Variants in MYLK observed in about 807,000 individuals in gnomAD.
The protein encoded by MYLK is myosin light chain kinase, also known as myosin light chain kinase, smooth muscle.
In MYLK, 106 loss-of-function variants were observed where a neutral mutation model predicts 203.4. The observed-to-expected ratio is 0.52, with a 90% confidence interval of 0.45 to 0.61. MYLK has a LOEUF of 0.61. Ranked by LOEUF, MYLK falls within the 20% of genes least tolerant of loss-of-function variation. The pLI, the probability that MYLK is intolerant of heterozygous loss-of-function variation, is 0.00. For missense variants in MYLK, 2,072 were observed against 2,442.3 expected (o/e 0.85, Z 3.20); for synonymous variants, 867 against 959.5 (o/e 0.90, Z 1.78).
In MYLK at chr3:123,740,242, A is replaced by G. The variant is rs528861671; in HGVS notation, c.374-241T>C. Among the ~76,000 whole-genome samples, 22 of 31,028 alleles carry G rather than the reference A, an allele frequency of 7.1e-4. 1 individual carries two copies. In the South Asian group the frequency reaches 0.054, roughly 76 times the overall value. The allele number at this position is 31,028 out of a possible 152,430, so 20.4% of individuals were successfully genotyped here. ...TATTTTTTAAACAGATGAGAGAAAT[A>G]AGATTCAGAGAAGTTAAGTCATCCA... On this transcript the variant is annotated intron_variant, in intron 5 of 33. Coordinates refer to ENST00000360304, the MANE Select transcript of MYLK (RefSeq NM_053025.4).
In MYLK at chr3:123,878,650, T is replaced by C. The variant is rs546885281; in HGVS notation, c.-185-2033A>G. Among the ~76,000 whole-genome samples, 3 of 152,304 alleles carry C rather than the reference T, an allele frequency of 2.0e-5. No homozygotes were observed. In the East Asian group the frequency reaches 5.8e-4, roughly 29 times the overall value. ...ATGCCATCACCATCCTCCACCAGGA[T>C]AGGTAGTGATGAGAACTCTGGCTGA... is the stretch of plus-strand genomic sequence containing the variant. On this transcript the variant is annotated intron_variant, in intron 1 of 33. Transcript: ENST00000360304.
chr3:123,643,555 G>C (rs1443354278), intron 27 of MYLK, among the ~76,000 whole-genome samples: 1 of 152,200 alleles, frequency 6.6e-6, no homozygotes, highest in Admixed American at 6.5e-5. Context: ...CAGGATTAAT[G>C]GTTCTGTGGG....
chr3:123,619,727 A>G (rs10511421), intron 32 of MYLK, among the ~76,000 whole-genome samples: 5,875 of 152,296 alleles, frequency 0.039, 707 homozygotes, highest in East Asian at 0.36. Flanking sequence ...GACACGATTC[A>G]GCATCATGAA....
chr3:123,775,772 C>T (rs769575629), intron 4 of MYLK, among the ~76,000 whole-genome samples: 2 of 152,170 alleles, frequency 1.3e-5, no homozygotes, highest in Non-Finnish European at 2.9e-5. Context: ...AGTCTCTTAG[C>T]TTGAAATTTA....
At chr3:123,872,172 A>G (rs1249488313) in intron 2 of MYLK, among the ~76,000 whole-genome samples, 1 of 152,172 alleles carries the variant, frequency 6.6e-6, no homozygotes, top group Non-Finnish European at 1.5e-5. Flanking sequence ...TCATGCTGCA[A>G]TGGCAGAGCT....
chr3:123,880,445 A>C (rs554181817), intron 1 of MYLK, among the ~76,000 whole-genome samples: 1 of 152,342 alleles, frequency 6.6e-6, no homozygotes, highest in African/African-American at 2.4e-5. Context: ...AATTAGCATC[A>C]GATCTGAGCG....
intron 31 of MYLK, chr3:123,622,134 A>C (rs1242956111): frequency 1.3e-5 from 2 of 152,340 alleles, no homozygotes; most frequent in Non-Finnish European, 2.9e-5. Context: ...CTACGTAGTC[A>C]ATGTCAGACC....
intron 1 of MYLK, among the ~76,000 whole-genome samples, chr3:123,880,300 C>CTACTATA (rs1301274146): frequency 2.3e-4 from 35 of 152,176 alleles, no homozygotes; most frequent in African/African-American, 8.2e-4. Context: ...TGAATGAGAC[C>CTACTATA]TACTATACAT....
At chr3:123,867,695 A>T (rs994560543) in intron 2 of MYLK, among the ~76,000 whole-genome samples, 1 of 152,190 alleles carries the variant, frequency 6.6e-6, no homozygotes, top group African/African-American at 2.4e-5. Flanking sequence ...CAGCCTCTGG[A>T]GCTGTGAGAA....
chr3:123,722,239 C>G lies in MYLK; in HGVS notation c.1693G>C (p.Val565Leu). Residue 565 changes from valine to leucine, a missense_variant, in exon 13 of 34, where the codon GTG becomes CTG. By Grantham distance (32) the Val-to-Leu change is conservative. Coordinates refer to ENST00000360304, the MANE Select transcript of MYLK (RefSeq NM_053025.4). ...GCATCCTGGATGTGGAGCTCAGCCA[C>G]GCCGGCCTCGCAGGTGGAGCGAGCG... ...QYARSTCEAG[V>L]AELHIQDALP... 6.4e-7 allele frequency: 1 copy of G among 1,565,586 alleles called. No homozygotes were observed. Among genetic ancestry groups the G allele is most frequent in the Non-Finnish European group, 8.7e-7 (1 of 1,154,526 alleles).
chr3:123,687,502 A>G (rs1258991607), intron 19 of MYLK, among the ~76,000 whole-genome samples: 1 of 152,146 alleles, frequency 6.6e-6, no homozygotes, highest in Non-Finnish European at 1.5e-5. Flanking sequence ...AAGGTCACCA[A>G]TGACCTCAAT....
At chr3:123,740,860 A>G (rs1186772763) in intron 5 of MYLK, among the ~76,000 whole-genome samples, 1 of 152,268 alleles carries the variant, frequency 6.6e-6, no homozygotes, top group East Asian at 1.9e-4. Context: ...CGTGCTAGGC[A>G]GGAGGCCATT....
At chr3:123,637,240 T>C (rs1179602949) in intron 29 of MYLK, among the ~76,000 whole-genome samples, 1 of 152,154 alleles carries the variant, frequency 6.6e-6, no homozygotes, top group African/African-American at 2.4e-5. Context: ...ACCCTGGGGC[T>C]TCAGGGACTA....
intron 12 of MYLK, among the ~76,000 whole-genome samples, chr3:123,724,905 G>A (rs1172258277): frequency 2.6e-5 from 4 of 151,816 alleles, no homozygotes; most frequent in East Asian, 1.9e-4. Context: ...CACCATGTTC[G>A]GCTAAGTTTT....
intron 2 of MYLK, among the ~76,000 whole-genome samples, chr3:123,848,021 G>C (rs994374606): frequency 1.3e-5 from 2 of 151,932 alleles, no homozygotes; most frequent in African/African-American, 4.8e-5. Context: ...GGGAGAAGAA[G>C]TCTCTTAACT....
At chr3:123,770,605 G>A (rs1209588674) in intron 4 of MYLK, among the ~76,000 whole-genome samples, 2 of 152,216 alleles carry the variant, frequency 1.3e-5, no homozygotes, top group Non-Finnish European at 2.9e-5. Flanking sequence ...AGCGGCTCAA[G>A]GTGTGTGAGG....
chr3:123,764,291 T>C (rs1231177792), intron 4 of MYLK, among the ~76,000 whole-genome samples: 1 of 152,090 alleles, frequency 6.6e-6, no homozygotes, highest in East Asian at 1.9e-4. Flanking sequence ...ATTTTTCCTG[T>C]ATGTAAGTGA....
At position 123,618,643 on chromosome 3, in the gene MYLK, A is replaced by G. The variant is rs1208165787; in HGVS notation, c.5496T>C (p.Ile1832=). 6.2e-7 allele frequency: 1 copy of G among 1,613,894 alleles called. No individual in the cohort carries two copies. Among genetic ancestry groups the G allele is most frequent in the African/African-American group, 1.3e-5 (1 of 74,898 alleles). ...AGAAGCACAGCTACAACTTACCTTC[A>G]ATCTTGCAGTCAAATCTAGCAGCAC... ...EGSAARFDCK[I]EGYPDPEVVW... Residue 1832 remains isoleucine, a synonymous_variant, in exon 33 of 34, where the codon ATT becomes ATC. Transcript: ENST00000360304.
chr3:123,739,318 C>T (rs1281597737), intron 6 of MYLK, among the ~76,000 whole-genome samples: 6 of 152,258 alleles, frequency 3.9e-5, no homozygotes, highest in African/African-American at 1.4e-4. Context: ...CTGAATTCCA[C>T]TGAGCCCTGG....
Sources: allele counts gnomAD v4.1 joint callset (sites outside exome capture counted in the v4.1 genomes callset), GRCh38; gene constraint gnomAD v4.1.1; transcripts MANE v1.5; gene names NCBI Gene and HGNC (gene_info 2026-07-23, HGNC 2026-07-21).